FGF13: variants seen among roughly 807,000 people sequenced by gnomAD.
FGF13 encodes fibroblast growth factor 13, also known as fibroblast growth factor homologous factor 2.
A neutral mutation model predicts 19.5 loss-of-function variants in FGF13; 2 were observed. The ratio of observed to expected loss-of-function variants is 0.10; its 90% CI spans 0.04 to 0.32. The LOEUF is 0.32. Ranked by LOEUF, FGF13 falls within the 10% of genes least tolerant of loss-of-function variation. The pLI is 1.00. For synonymous variants in FGF13, 72 were observed against 76.9 expected, an observed-to-expected ratio of 0.94 and a Z score of 0.33; for missense variants, 113 against 192.7, an observed-to-expected ratio of 0.59 and a Z score of 2.45.
intron 3 of FGF13, among the ~76,000 whole-genome samples, chrX:138,772,237 T>C (rs190105829): frequency 9.2e-6 from 1 of 109,072 alleles, no homozygotes; most frequent in East Asian, 2.9e-4. Context: ...TAAACATGCC[T>C]AAACATTAGG....
chrX:138,989,361 C>G (rs946234144), intron 1 of FGF13, among the ~76,000 whole-genome samples: 1 of 111,816 alleles, frequency 8.9e-6, no homozygotes, highest in African/African-American at 3.2e-5. Flanking sequence ...TTGAAGTGAA[C>G]AGCTGGTGAG....
At chrX:138,792,224 A>C (rs777922329) in intron 3 of FGF13, among the ~76,000 whole-genome samples, 1 of 112,387 alleles carries the variant, frequency 8.9e-6, no homozygotes, top group East Asian at 2.8e-4. Context: ...AACAACGATA[A>C]ATTTAATAAA....
intron 1 of FGF13, among the ~76,000 whole-genome samples, chrX:139,055,821 T>G (rs1460081044): frequency 8.9e-6 from 1 of 112,695 alleles, no homozygotes; most frequent in Non-Finnish European, 1.9e-5. Flanking sequence ...TATTTTTGCT[T>G]CAATTCTAGC....
chrX:138,848,449 T>TA (rs1404547979), intron 3 of FGF13, among the ~76,000 whole-genome samples: 1 of 110,704 alleles, frequency 9.0e-6, no homozygotes, highest in Non-Finnish European at 1.9e-5. Context: ...AGATAGATTT[T>TA]AAAAAAAAGT....
chrX:139,140,571 T>A (rs1238290823), intron 1 of FGF13, among the ~76,000 whole-genome samples: 1 of 111,486 alleles, frequency 9.0e-6, no homozygotes, highest in Non-Finnish European at 1.9e-5. Context: ...TCATTCCATC[T>A]TACCACCTTT....
At chrX:138,764,190 C>T (rs991854576) in intron 3 of FGF13, among the ~76,000 whole-genome samples, 5 of 111,881 alleles carry the variant, frequency 4.5e-5, no homozygotes. Flanking sequence ...AGGAAGCATG[C>T]CATCTCTGAA....
At chrX:138,766,104 G>A (rs1420827636) in intron 3 of FGF13, among the ~76,000 whole-genome samples, 1 of 111,873 alleles carries the variant, frequency 8.9e-6, no homozygotes, top group African/African-American at 3.2e-5. Context: ...CCCCACTGTA[G>A]CCTGTACCTT....
intron 1 of FGF13, among the ~76,000 whole-genome samples, chrX:139,199,786 T>C (rs1341704101): frequency 9.0e-6 from 1 of 111,712 alleles, no homozygotes; most frequent in Non-Finnish European, 1.9e-5. Context: ...CTAGGACACA[T>C]ACTAAGCCCT....
intron 3 of FGF13, among the ~76,000 whole-genome samples, chrX:138,834,953 G>A (rs2091100859): frequency 1.8e-5 from 2 of 111,640 alleles, no homozygotes; most frequent in South Asian, 7.5e-4. Flanking sequence ...CAATTTCCAT[G>A]TAATTATATG....
At chrX:138,703,653 T>C (rs1448590157) in intron 2 of FGF13, among the ~76,000 whole-genome samples, 3 of 112,421 alleles carry the variant, frequency 2.7e-5, no homozygotes, top group Non-Finnish European at 5.6e-5. Flanking sequence ...AACTCCAAAA[T>C]AAATTCAGGT....
chrX:139,131,806 C>T (rs983775335), intron 1 of FGF13, among the ~76,000 whole-genome samples: 1 of 111,554 alleles, frequency 9.0e-6, no homozygotes, highest in Non-Finnish European at 1.9e-5. Flanking sequence ...CTATTGGAGC[C>T]AAAAACCCAT....
intron 1 of FGF13, among the ~76,000 whole-genome samples, chrX:139,062,131 T>C (rs5976259): frequency 0.024 from 2,645 of 111,508 alleles, 73 homozygotes; most frequent in African/African-American, 0.078. Flanking sequence ...TCCAAAAAAA[T>C]CATTTCCCAG....
chrX:138,748,439 T>C (rs1237366812), intron 3 of FGF13, among the ~76,000 whole-genome samples: 1 of 111,236 alleles, frequency 9.0e-6, no homozygotes, highest in Non-Finnish European at 1.9e-5. Context: ...TATATGAGTA[T>C]AGCAAGAGGT....
chrX:138,691,959 C>T (rs545774375), intron 3 of FGF13, among the ~76,000 whole-genome samples: 1 of 111,854 alleles, frequency 8.9e-6, no homozygotes, highest in Non-Finnish European at 1.9e-5. Context: ...TTATAATGAT[C>T]AGAAAATGCT....
intron 1 of FGF13, among the ~76,000 whole-genome samples, chrX:138,884,206 T>C (rs949183610): frequency 2.1e-4 from 24 of 112,273 alleles, no homozygotes; most frequent in African/African-American, 7.8e-4. Context: ...TTATACAATA[T>C]GAGTTTCCCT....
At chrX:139,028,068 T>C (rs1265205412) in intron 1 of FGF13, among the ~76,000 whole-genome samples, 4 of 111,755 alleles carry the variant, frequency 3.6e-5, no homozygotes, top group Admixed American at 1.9e-4. Context: ...GTTCCTCCAA[T>C]TGTACTTGTC....
chrX:139,072,107 A>G (rs1009884759), intron 1 of FGF13, among the ~76,000 whole-genome samples: 5 of 109,074 alleles, frequency 4.6e-5, no homozygotes, highest in Non-Finnish European at 7.6e-5. Context: ...CCCAAAATTC[A>G]TATGCTGAAG....
chrX:138,730,634 C>T (rs1177887363), intron 1 of FGF13, among the ~76,000 whole-genome samples: 1 of 110,799 alleles, frequency 9.0e-6, no homozygotes, highest in African/African-American at 3.3e-5. Context: ...TTATTTGATT[C>T]ACTCCCAAAA....
chrX:138,619,843 T>C lies in FGF13; in HGVS notation c.*13007A>G, dbSNP rs1293508199. The C allele has an allele frequency of 9.0e-6, 1 of 111,563 alleles. No individual in the cohort carries two copies. The highest frequency in any genetic ancestry group is 1.9e-5 in the Non-Finnish European group (1 of 53,070). The allele number at this position is 111,563 out of a possible 1,213,427, so 9.2% of individuals were successfully genotyped here. A position where few individuals can be genotyped will look rare whatever the true frequency, so the allele number is the denominator to read the frequency against. ...AGATGCTGGCAAGGTTGCAGAGAAA[T>C]AGGAACACTTTTACACTGCTGGTGG... On this transcript the variant is annotated 3_prime_UTR_variant, in exon 5 of 5. Coordinates refer to ENST00000315930, the MANE Select transcript of FGF13 (RefSeq NM_004114.5).
Sources: gnomAD v4.1 joint callset for allele counts (sites outside exome capture counted in the v4.1 genomes callset) on GRCh38, gnomAD v4.1.1 for gene constraint, MANE v1.5 for transcripts, NCBI Gene and HGNC (gene_info 2026-07-23, HGNC 2026-07-21) for gene names.